Variants in RBAK observed in about 807,000 individuals in gnomAD.
The protein encoded by RBAK is RB associated KRAB zinc finger, also known as RB-associated KRAB zinc finger protein.
A neutral mutation model predicts 65.8 loss-of-function variants in RBAK; 39 were observed. The observed-to-expected ratio is 0.59, with a 90% CI of 0.46 to 0.77. RBAK has a LOEUF of 0.77. RBAK is among the 30% of genes least tolerant of loss of function. The pLI, the probability that RBAK is intolerant of heterozygous loss-of-function variation, is 0.00. For synonymous variants in RBAK, 343 were observed against 289.7 expected, an observed-to-expected ratio of 1.18 and a Z score of -1.87; for missense variants, 884 against 855.1, an observed-to-expected ratio of 1.03 and a Z score of -0.42.
chr7:5,055,380 G>A (rs1788206576), intron 2 of RBAK, among the ~76,000 whole-genome samples: 1 of 151,936 alleles, frequency 6.6e-6, no homozygotes, highest in Non-Finnish European at 1.5e-5. Flanking sequence ...ATATTAGGGT[G>A]CAATATTTAT....
Position 5,063,955 on chromosome 7 carries a change from G to T in RBAK, c.499G>T (p.Glu167Ter). The T allele has an allele frequency of 6.2e-7, 1 of 1,614,018 alleles. No homozygotes were observed. Among genetic ancestry groups the T allele is most frequent in the South Asian group, 1.1e-5 (1 of 91,040 alleles). ...YARTKPDECN[E>*]CGKTYHGEKM... ...TAGGACAAAACCTGATGAGTGTAATGAATGTGGGAAAACATATCATGGAGA... is the reference window on the plus strand; with the variant it reads ...TAGGACAAAACCTGATGAGTGTAATTAATGTGGGAAAACATATCATGGAGA... Residue 167 changes from glutamate (E) to a stop codon, truncating the protein, a stop_gained, in exon 5 of 5, where the codon GAA becomes TAA. Transcript: ENST00000396912. LOFTEE classifies it high-confidence loss of function.
At chr7:5,056,483 C>T (rs191473438) in intron 2 of RBAK, among the ~76,000 whole-genome samples, 27 of 152,240 alleles carry the variant, frequency 1.8e-4, no homozygotes, top group Non-Finnish European at 3.8e-4. Flanking sequence ...TCATCATATT[C>T]TTCTTCCCCT....
intron 2 of RBAK, among the ~76,000 whole-genome samples, chr7:5,049,236 C>T (rs1211238169): frequency 6.6e-6 from 1 of 152,132 alleles, no homozygotes; most frequent in East Asian, 1.9e-4. Context: ...AAGCAGAGGG[C>T]CTGCCTGCTG....
Position 5,067,971 on chromosome 7 carries a change from G to A in RBAK, c.*2370G>A, listed in dbSNP as rs936704856. ...TCTTAGGACAGTTTGTAATCTTGGA[G>A]TAAGCAAAGGTTTATTGAGACCCAA... On this transcript the variant is annotated 3_prime_UTR_variant, in exon 5 of 5. Coordinates refer to ENST00000396912, the MANE Select transcript of RBAK (RefSeq NM_021163.4). The A allele has an allele frequency of 6.6e-6, 1 of 152,182 alleles. No individual in the cohort carries two copies. Among genetic ancestry groups the A allele is most frequent in the African/African-American group, 2.4e-5 (1 of 41,436 alleles). 9.4% of individuals were successfully genotyped at this position (152,182 alleles called of 1,614,324 possible). A position where few individuals can be genotyped will look rare whatever the true frequency, so the allele number is the denominator to read the frequency against.
chr7:5,064,763 A>G lies in RBAK; in HGVS notation c.1307A>G (p.Lys436Arg), dbSNP rs1779174428. The part of the protein sequence containing the change: ...EKPYQCSECG[K>R]FFSRVSYLTI... ...CCCTATCAGTGTAGCGAGTGTGGGAAATTCTTTTCTCGGGTGTCATACCTC... is the reference window on the plus strand; with the variant it reads ...CCCTATCAGTGTAGCGAGTGTGGGAGATTCTTTTCTCGGGTGTCATACCTC... Residue 436 changes from lysine to arginine, a missense_variant, in exon 5 of 5, where the codon AAA (lysine) becomes AGA (arginine). Coordinates refer to ENST00000396912, the MANE Select transcript of RBAK (RefSeq NM_021163.4). The surrounding 1 kb of genome is among the most constrained non-coding windows in gnomAD (Gnocchi z 6.3). 1 of 1,614,080 alleles carries G rather than the reference A, an allele frequency of 6.2e-7. No homozygotes were observed. The highest frequency in any genetic ancestry group is 8.5e-7 in the Non-Finnish European group (1 of 1,179,926).
At chr7:5,050,721 T>C (rs1788098113) in intron 2 of RBAK, among the ~76,000 whole-genome samples, 2 of 152,226 alleles carry the variant, frequency 1.3e-5, no homozygotes, top group South Asian at 2.1e-4. Flanking sequence ...AGTATAGTCA[T>C]GTGCCACAAT....
rs1242055110 is a variant in RBAK at position 5,064,642 on chromosome 7, A to G, written c.1186A>G (p.Thr396Ala). The G allele has an allele frequency of 1.2e-6, 2 of 1,612,392 alleles. No homozygotes were observed. Among genetic ancestry groups the G allele is most frequent in the Non-Finnish European group, 1.7e-6 (2 of 1,178,714 alleles). ...SALSDHQRTH[T>A]GEKLYKCNEC... ...TCTCAGTGACCATCAGAGAACTCAC[A>G]CGGGAGAGAAGCTTTATAAATGTAA... The change falls in exon 5 of 5, where the codon ACG (threonine) becomes GCG (alanine). Residue 396 changes from threonine to alanine, a missense_variant. Physicochemically the swap from Thr to Ala is moderately conservative, Grantham distance 58. Transcript: ENST00000396912. The surrounding 1 kb of genome is among the most constrained non-coding windows in gnomAD (Gnocchi z 6.3).
chr7:5,069,203 C>A lies in RBAK; in HGVS notation c.*3602C>A, dbSNP rs773744990. ...CATTTGTGTCGCTCATCACTCTAAT[C>A]ATATTTTTCTAGATGTGTATGAATA... On this transcript the variant is annotated 3_prime_UTR_variant, in exon 5 of 5. Coordinates refer to ENST00000396912, the MANE Select transcript of RBAK (RefSeq NM_021163.4). The A allele has an allele frequency of 6.6e-6, 1 of 152,164 alleles. No homozygotes were observed. Among genetic ancestry groups the A allele is most frequent in the Non-Finnish European group, 1.5e-5 (1 of 68,036 alleles). 9.4% of individuals were successfully genotyped at this position (152,164 alleles called of 1,614,324 possible).
intron 2 of RBAK, 138 bp from the exon 3 acceptor site, chr7:5,057,155 AAT>A (rs1778938635): frequency 7.8e-7 from 1 of 1,276,342 alleles, no homozygotes; most frequent in East Asian, 2.6e-5. Context: ...ATGTGTTTCC[AAT>A]ATGATTTCCC....
At position 5,065,328 on chromosome 7, in the gene RBAK, A is replaced by G. The variant is rs1191270350; in HGVS notation, c.1872A>G (p.Glu624=). The G allele has an allele frequency of 1.2e-6, 2 of 1,613,934 alleles. No individual in the cohort carries two copies. The highest frequency in any genetic ancestry group is 8.5e-7 in the Non-Finnish European group (1 of 1,179,874). The change falls in exon 5 of 5, where the codon GAA becomes GAG. Residue 624 remains glutamate (E), a synonymous_variant. Transcript: ENST00000396912. This position sits in a 1 kb window ranked among gnomAD's most constrained non-coding sequence, Gnocchi z 5.3. The part of the protein sequence containing the change: ...HRIHSGEKPY[E]CSKCGKVFSR... Reference sequence around the variant, plus strand: ...TTCATTCAGGAGAGAAACCCTATGAATGTAGTAAATGTGGAAAAGTCTTCT... The same window carrying G: ...TTCATTCAGGAGAGAAACCCTATGAGTGTAGTAAATGTGGAAAAGTCTTCT...
rs1779145582 is a variant in RBAK at position 5,063,891 on chromosome 7, A to G, written c.435A>G (p.Glu145=). ...GTGTCTCATGTGGAAAGAATTTAGAATCTATTTCGCAATTAATTAGTAGTG... is the reference window on the plus strand; with the variant it reads ...GTGTCTCATGTGGAAAGAATTTAGAGTCTATTTCGCAATTAATTAGTAGTG... ...HNCVSCGKNL[E]SISQLISSDG... is the part of the protein sequence containing the mutation. Residue 145 remains glutamate, a synonymous_variant, in exon 5 of 5, where the codon GAA becomes GAG. Coordinates refer to ENST00000396912, the MANE Select transcript of RBAK (RefSeq NM_021163.4). 6.2e-7 allele frequency: 1 copy of G among 1,614,070 alleles called. No individual in the cohort carries two copies. The highest frequency in any genetic ancestry group is 8.5e-7 in the Non-Finnish European group (1 of 1,179,964).
chr7:5,064,939 C>G lies in RBAK; in HGVS notation c.1483C>G (p.Gln495Glu), dbSNP rs746906376. The G allele has an allele frequency of 1.9e-6, 3 of 1,613,882 alleles. No individual in the cohort carries two copies. In the South Asian group the frequency reaches 3.3e-5, roughly 18 times the overall value. Residue 495 changes from glutamine to glutamate, a missense_variant, in exon 5 of 5, where the codon CAG (glutamine) becomes GAG (glutamate). Transcript: ENST00000396912. This position sits in a 1 kb window ranked among gnomAD's most constrained non-coding sequence, Gnocchi z 6.3. ...HECSECGKFSQLYLTDHHTAH... is the reference protein window; with the variant it reads ...HECSECGKFSELYLTDHHTAH... ...ATGTAGTGAATGTGGAAAGTTCTCTCAGTTGTATCTCACCGACCATCATAC... is the reference window on the plus strand; with the variant it reads ...ATGTAGTGAATGTGGAAAGTTCTCTGAGTTGTATCTCACCGACCATCATAC...
rs780527473 is a variant in RBAK at position 5,046,224 on chromosome 7, G to A, written c.-217G>A. The A allele has an allele frequency of 2.0e-6, 1 of 505,150 alleles. No homozygotes were observed. The highest frequency in any genetic ancestry group is 5.6e-5 in the East Asian group (1 of 17,738). 31.3% of individuals were successfully genotyped at this position (505,150 alleles called of 1,614,324 possible). A position where few individuals can be genotyped will look rare whatever the true frequency, so the allele number is the denominator to read the frequency against. On this transcript the variant is annotated 5_prime_UTR_variant, in exon 1 of 5. Coordinates refer to ENST00000396912, the MANE Select transcript of RBAK (RefSeq NM_021163.4). ...CCGAGGGAGGCGGATCTGGGTCCCG[G>A]GAAGGACACCCGCCTGGATTTGCCC...
At chr7:5,047,759 A>G (rs1788026551) in intron 1 of RBAK, among the ~76,000 whole-genome samples, 1 of 151,886 alleles carries the variant, frequency 6.6e-6, no homozygotes, top group Admixed American at 6.6e-5. Context: ...ATGTGACACT[A>G]TGCCTGGCTA....
rs1779166306 is a variant in RBAK at position 5,064,561 on chromosome 7, G to A, written c.1105G>A (p.Gly369Arg). 6.2e-7 allele frequency: 1 copy of A among 1,613,902 alleles called. No individual in the cohort carries two copies. Among genetic ancestry groups the A allele is most frequent in the Admixed American group, 1.7e-5 (1 of 59,996 alleles). The change falls in exon 5 of 5, where the codon GGA becomes AGA. Residue 369 changes from glycine to arginine, a missense_variant. By Grantham distance (125) the Gly-to-Arg change is moderately radical. Coordinates refer to ENST00000396912, the MANE Select transcript of RBAK (RefSeq NM_021163.4). The surrounding 1 kb of genome is among the most constrained non-coding windows in gnomAD (Gnocchi z 6.3). ...HLTLHQRNHS[G>R]ERPYPCNECG... ...CACCCTGCACCAGAGGAATCATTCA[G>A]GAGAGAGGCCCTATCCATGTAACGA...
intron 4 of RBAK, among the ~76,000 whole-genome samples, chr7:5,061,450 TTTC>T (rs1284017229): frequency 2.5e-4 from 29 of 114,440 alleles, no homozygotes; most frequent in African/African-American, 1.0e-3. Context: ...TGTTTTTCTT[TTTC>T]TTTTTTTTTT....
At chr7:5,049,133 A>C (rs1427878729) in intron 2 of RBAK, among the ~76,000 whole-genome samples, 1 of 152,206 alleles carries the variant, frequency 6.6e-6, no homozygotes, top group African/African-American at 2.4e-5. Flanking sequence ...ACTTGGAAAA[A>C]TTTCTTCATT....
At chr7:5,056,337 C>T (rs376998203) in intron 2 of RBAK, among the ~76,000 whole-genome samples, 9 of 151,782 alleles carry the variant, frequency 5.9e-5, no homozygotes, top group South Asian at 4.2e-4. Context: ...AAGCTGGTCT[C>T]GAACTCCTGA....
Position 5,064,307 on chromosome 7 carries a change from CAGG to C in RBAK, c.854_856del (p.Gly285del), listed in dbSNP as rs749420335. ...TTCATCATCCACCAGAGGGCTCACA[CAGG>C]AGAGAAACCTTATGAATGTAATGTA... On this transcript the variant is annotated inframe_deletion, in exon 5 of 5. Transcript: ENST00000396912. This position sits in a 1 kb window ranked among gnomAD's most constrained non-coding sequence, Gnocchi z 6.3. 6.2e-7 allele frequency: 1 copy of C among 1,614,128 alleles called. No individual in the cohort carries two copies. Among genetic ancestry groups the C allele is most frequent in the Non-Finnish European group, 8.5e-7 (1 of 1,180,010 alleles).
Sources: allele counts gnomAD v4.1 joint callset (sites outside exome capture counted in the v4.1 genomes callset), GRCh38; gene constraint gnomAD v4.1.1; non-coding constraint Gnocchi (gnomAD v3.1); transcripts MANE v1.5; gene names NCBI Gene and HGNC (gene_info 2026-07-23, HGNC 2026-07-21).